ANO6: variants seen among roughly 807,000 people sequenced by gnomAD.
ANO6 encodes the protein anoctamin 6.
ANO6 carries 106 observed loss-of-function variants against 117.5 expected under a neutral mutation model. The ratio of observed to expected loss-of-function variants is 0.90; its 90% confidence interval spans 0.77 to 1.06. The LOEUF (loss-of-function observed/expected upper bound fraction) is 1.06, where lower values mean the gene tolerates loss of function less well. Among genes scored for constraint, ANO6 ranks in the 50% least tolerant of loss-of-function variants. ANO6 has a pLI of 0.00. For missense variants in ANO6, 955 were observed against 1,121.1 expected (o/e 0.85, Z 2.12); for synonymous variants, 367 against 385.1 (o/e 0.95, Z 0.55).
At chr12:45,428,429 A>G (rs150714931) in intron 19 of ANO6, among the ~76,000 whole-genome samples, 2 of 152,346 alleles carry the variant, frequency 1.3e-5, no homozygotes, top group East Asian at 3.9e-4. Flanking sequence ...CCTGGGCAAC[A>G]TAGCGAGACC....
chr12:45,266,756 C>CA (rs1461159308), intron 1 of ANO6, among the ~76,000 whole-genome samples: 1 of 151,858 alleles, frequency 6.6e-6, no homozygotes. Flanking sequence ...AAGATTGTGC[C>CA]ACTGCCCTCC....
intron 1 of ANO6, among the ~76,000 whole-genome samples, chr12:45,275,323 C>T (rs1354310821): frequency 6.6e-6 from 1 of 152,172 alleles, no homozygotes; most frequent in Non-Finnish European, 1.5e-5. Context: ...CAGTTCCCTG[C>T]CTCAGCCTCC....
chr12:45,233,203 ACT>A (rs1460229094), intron 1 of ANO6, among the ~76,000 whole-genome samples: 1 of 152,052 alleles, frequency 6.6e-6, no homozygotes, highest in African/African-American at 2.4e-5. Context: ...CCTACTGATG[ACT>A]CTGATATGCT....
intron 1 of ANO6, among the ~76,000 whole-genome samples, chr12:45,246,629 C>T (rs974872118): frequency 2.6e-5 from 4 of 152,012 alleles, no homozygotes; most frequent in Non-Finnish European, 4.4e-5. Flanking sequence ...TAATGTGGTC[C>T]GAATGTAGAC....
At chr12:45,267,615 A>T (rs146782221) in intron 1 of ANO6, among the ~76,000 whole-genome samples, 2,219 of 152,022 alleles carry the variant, frequency 0.015, 44 homozygotes, top group East Asian at 0.069. Context: ...GTGTGGTGAA[A>T]CCCCGTCTCT....
chr12:45,351,607 C>A (rs1324246460), intron 7 of ANO6, among the ~76,000 whole-genome samples: 1 of 152,060 alleles, frequency 6.6e-6, no homozygotes, highest in Non-Finnish European at 1.5e-5. Flanking sequence ...GAGGAGGTGA[C>A]TTTTAAGCTG....
intron 12 of ANO6, 116 bp downstream of exon 12, chr12:45,390,614 A>G: frequency 1.1e-6 from 1 of 935,502 alleles, no homozygotes; most frequent in Non-Finnish European, 1.7e-6. Flanking sequence ...TGGAAACTAT[A>G]TGGTCTCAGA....
intron 1 of ANO6, among the ~76,000 whole-genome samples, chr12:45,246,956 G>T (rs1947834980): frequency 6.6e-6 from 1 of 151,798 alleles, no homozygotes; most frequent in African/African-American, 2.4e-5. Context: ...TTTTGAGACA[G>T]AGTTTCGCTC....
chr12:45,246,987 A>G (rs2137178695), intron 1 of ANO6, among the ~76,000 whole-genome samples: 1 of 152,054 alleles, frequency 6.6e-6, no homozygotes, highest in South Asian at 2.1e-4. Flanking sequence ...GCTGGAGTGC[A>G]GTGGCGTGAT....
chr12:45,414,694 A>G (rs1300761019), intron 16 of ANO6, among the ~76,000 whole-genome samples: 1 of 152,186 alleles, frequency 6.6e-6, no homozygotes, highest in Non-Finnish European at 1.5e-5. Flanking sequence ...AATACTGTCT[A>G]TGCAAACATC....
At chr12:45,328,182 G>A (rs566718205) in intron 2 of ANO6, among the ~76,000 whole-genome samples, 2 of 152,114 alleles carry the variant, frequency 1.3e-5, no homozygotes, top group Admixed American at 1.3e-4. Context: ...TGAATGCCTG[G>A]TCAGGTCAAA....
At position 45,431,650 on chromosome 12, in the gene ANO6, A is replaced by C. The variant is rs867235798; in HGVS notation, c.*2339A>C. On this transcript the variant is annotated 3_prime_UTR_variant, in exon 20 of 20. Coordinates refer to ENST00000320560, the MANE Select transcript of ANO6 (RefSeq NM_001025356.3). Reference sequence around the variant, plus strand: ...AGGGTCATTTCCCCATGCCATCCACAGTGTTTGTTAGTGAGTCCACGGCTG... The same window carrying C: ...AGGGTCATTTCCCCATGCCATCCACCGTGTTTGTTAGTGAGTCCACGGCTG... The C allele has an allele frequency of 4.9e-5, 48 of 985,428 alleles. No homozygotes were observed. The Middle Eastern group carries it at 1.6e-3, about 32-fold the overall frequency. 61.0% of individuals were successfully genotyped at this position (985,428 alleles called of 1,614,324 possible).
rs532759493 is a variant in ANO6, at chr12:45,334,727, G to A, written c.279+3304G>A. On this transcript the variant is annotated intron_variant, in intron 3 of 19. Coordinates refer to ENST00000320560, the MANE Select transcript of ANO6 (RefSeq NM_001025356.3). ...ATAAAGAGGGGAGAATGGCTGTTCC[G>A]TAGGCAGCCAGCAGTATCTGGCACA... Among the ~76,000 whole-genome samples the A allele has an allele frequency of 6.6e-5, 10 of 152,110 alleles. No individual in the cohort carries two copies. The South Asian group carries it at 1.0e-3, about 16-fold the overall frequency.
intron 1 of ANO6, among the ~76,000 whole-genome samples, chr12:45,262,297 TC>T (rs1164644773): frequency 6.6e-6 from 1 of 152,262 alleles, no homozygotes; most frequent in African/African-American, 2.4e-5. Context: ...TCTGTTTATC[TC>T]TTTTATTGGG....
intron 2 of ANO6, among the ~76,000 whole-genome samples, chr12:45,316,506 A>C (rs76259676): frequency 0.052 from 7,951 of 152,172 alleles, 696 homozygotes; most frequent in African/African-American, 0.18. Context: ...ATACAATTTA[A>C]AATGTTAATA....
intron 1 of ANO6, among the ~76,000 whole-genome samples, chr12:45,267,508 A>AG (rs1218385173): frequency 6.6e-6 from 1 of 152,180 alleles, no homozygotes; most frequent in Non-Finnish European, 1.5e-5. Flanking sequence ...AGCACTTACT[A>AG]GCCAGGCATG....
rs75707122 is a variant in ANO6, at chr12:45,361,941, T to A, written c.998+4517T>A. On this transcript the variant is annotated intron_variant, in intron 8 of 19. Coordinates refer to ENST00000320560, the MANE Select transcript of ANO6 (RefSeq NM_001025356.3). ...TTTCCATCTATATTTGCAAGAGATA[T>A]TAGGTCTCTAGTTTTCTTATGTTGT... Among the ~76,000 whole-genome samples, 3 of 152,140 alleles carry A rather than the reference T, an allele frequency of 2.0e-5. No individual in the cohort carries two copies. In the East Asian group the frequency reaches 5.8e-4, roughly 29 times the overall value.
chr12:45,346,223 C>T (rs1273882230), intron 3 of ANO6, among the ~76,000 whole-genome samples: 1 of 152,148 alleles, frequency 6.6e-6, no homozygotes, highest in Non-Finnish European at 1.5e-5. Context: ...TGTGTCTACT[C>T]ATTTTCTTCA....
chr12:45,326,864 G>A (rs971056179), intron 2 of ANO6, among the ~76,000 whole-genome samples: 2 of 152,192 alleles, frequency 1.3e-5, no homozygotes, highest in Non-Finnish European at 2.9e-5. Flanking sequence ...CTTGGTGCAA[G>A]CACCATCCAG....
Sources: allele counts gnomAD v4.1 joint callset (sites outside exome capture counted in the v4.1 genomes callset), GRCh38; gene constraint gnomAD v4.1.1; transcripts MANE v1.5; gene names NCBI Gene and HGNC (gene_info 2026-07-23, HGNC 2026-07-21).